The following ZSCAN5A variants were observed in gnomAD, a reference collection of about 807,000 sequenced individuals.
ZSCAN5A encodes the protein zinc finger and SCAN domain containing 5A, also known as zinc finger and SCAN domain-containing protein 5A.
ZSCAN5A carries 12 observed loss-of-function variants against 23.7 expected under a neutral mutation model. The observed-to-expected ratio is 0.51, with a 90% CI of 0.32 to 0.82. The LOEUF (loss-of-function observed/expected upper bound fraction) is 0.82, where lower values mean the gene tolerates loss of function less well. Ranked by LOEUF, ZSCAN5A falls within the 40% of genes least tolerant of loss-of-function variation. ZSCAN5A has a pLI of 0.03. For missense variants in ZSCAN5A, 597 were observed against 617.9 expected (o/e 0.97, Z 0.36); for synonymous variants, 257 against 239.9 (o/e 1.07, Z -0.66).
chr19:56,339,425 T>C (rs8103954), intron 2 of ZSCAN5A, among the ~76,000 whole-genome samples: 15 of 24 alleles, frequency 0.62, 3 homozygotes, highest in East Asian at 0.67. Context: ...TAGCAATATG[T>C]GAAGGAGCGG....
chr19:56,228,394 G>T, intron 2 of ZSCAN5A: 1 of 985,332 alleles, frequency 1.0e-6, no homozygotes, highest in Non-Finnish European at 1.2e-6. Flanking sequence ...ATTGGTTTAG[G>T]GCCATAGAGT....
At chr19:56,364,296 A>G (rs2041751663) in intron 1 of ZSCAN5A, among the ~76,000 whole-genome samples, 1 of 152,216 alleles carries the variant, frequency 6.6e-6, no homozygotes, top group South Asian at 2.1e-4. Context: ...TACCATATGA[A>G]CTTATGTTGT....
intron 2 of ZSCAN5A, among the ~76,000 whole-genome samples, chr19:56,230,641 G>A (rs2034386338): frequency 7.0e-6 from 1 of 143,760 alleles, no homozygotes; most frequent in Non-Finnish European, 1.6e-5. Flanking sequence ...GTGTGTGTGT[G>A]TGTGTGTGTG....
intron 2 of ZSCAN5A, chr19:56,348,052 C>T (rs1464592142): frequency 6.6e-6 from 1 of 152,192 alleles, no homozygotes; most frequent in Non-Finnish European, 1.5e-5. Flanking sequence ...TGGAATTGCC[C>T]CCAGAGGCGG....
intron 2 of ZSCAN5A, among the ~76,000 whole-genome samples, chr19:56,327,128 G>A (rs1462877625): frequency 2.6e-5 from 4 of 151,598 alleles, no homozygotes; most frequent in Admixed American, 2.6e-4. Context: ...CATTCGTCAT[G>A]CTATATATAC....
At chr19:56,225,294 C>T (rs531128093) in intron 2 of ZSCAN5A, 121 bp from the exon 3 acceptor site, 26 of 910,586 alleles carry the variant, frequency 2.9e-5, no homozygotes, top group Middle Eastern at 7.2e-4. Context: ...CAGTGGAAAT[C>T]TTCCAGTGTC....
chr19:56,331,899 A>C (rs1277104697), intron 2 of ZSCAN5A, among the ~76,000 whole-genome samples: 1 of 151,734 alleles, frequency 6.6e-6, no homozygotes, highest in African/African-American at 2.4e-5. Context: ...TATTTCAAAG[A>C]ATTTTTTTTA....
At chr19:56,343,200 G>C in intron 2 of ZSCAN5A, 4 of 764,360 alleles carry the variant, frequency 5.2e-6, no homozygotes, top group Non-Finnish European at 9.1e-6. Flanking sequence ...TTCTCCTCAG[G>C]AGAAGTTATA....
intron 2 of ZSCAN5A, among the ~76,000 whole-genome samples, chr19:56,301,259 G>A (rs2040209085): frequency 6.6e-6 from 1 of 152,172 alleles, no homozygotes; most frequent in Admixed American, 6.5e-5. Context: ...CTGAATATAT[G>A]ATAAACAAGG....
chr19:56,249,990 T>C (rs1277612889), intron 2 of ZSCAN5A, among the ~76,000 whole-genome samples: 1 of 152,224 alleles, frequency 6.6e-6, no homozygotes, highest in Non-Finnish European at 1.5e-5. Context: ...TAGGCTGGAT[T>C]CATTTATTAA....
At chr19:56,270,167 C>T (rs2037747055) in intron 2 of ZSCAN5A, among the ~76,000 whole-genome samples, 1 of 151,378 alleles carries the variant, frequency 6.6e-6, no homozygotes, top group African/African-American at 2.4e-5. Context: ...AAAAAAAGAT[C>T]CCAGCACTAT....
intron 2 of ZSCAN5A, among the ~76,000 whole-genome samples, chr19:56,326,625 C>T (rs936372296): frequency 1.3e-5 from 2 of 152,198 alleles, no homozygotes; most frequent in East Asian, 1.9e-4. Context: ...TAGTGTACCG[C>T]TGGGTGCCTT....
At chr19:56,253,343 G>A (rs975443331) in intron 2 of ZSCAN5A, among the ~76,000 whole-genome samples, 68 of 151,794 alleles carry the variant, frequency 4.5e-4, no homozygotes, top group Non-Finnish European at 8.8e-5. Context: ...GGGTGGAGGG[G>A]GAGAGAAAAA....
At chr19:56,243,228 A>AGGG (rs1568635141) in intron 2 of ZSCAN5A, among the ~76,000 whole-genome samples, 2 of 148,422 alleles carry the variant, frequency 1.3e-5, no homozygotes, top group African/African-American at 5.0e-5. Flanking sequence ...GGGTGGGCAG[A>AGGG]GGGTGATCAT....
At chr19:56,250,483 T>G (rs1423852715) in intron 2 of ZSCAN5A, among the ~76,000 whole-genome samples, 1 of 152,166 alleles carries the variant, frequency 6.6e-6, no homozygotes, top group Non-Finnish European at 1.5e-5. Flanking sequence ...CAGGGTCTGA[T>G]TCAGTGACAG....
intron 4 of ZSCAN5A, among the ~76,000 whole-genome samples, chr19:56,223,399 C>T (rs139485468): frequency 1.3e-5 from 2 of 152,232 alleles, no homozygotes; most frequent in East Asian, 1.9e-4. Context: ...TCACTGAGAT[C>T]ATTTCTTATG....
chr19:56,281,279 G>A (rs113578549), intron 2 of ZSCAN5A, among the ~76,000 whole-genome samples: 30,467 of 152,026 alleles, frequency 0.2, 3,160 homozygotes, highest in Middle Eastern at 0.37. Context: ...GGTGGCAGAG[G>A]CAGAAGAAAA....
chr19:56,276,498 A>T (rs2038266068), intron 2 of ZSCAN5A, among the ~76,000 whole-genome samples: 1 of 134,928 alleles, frequency 7.4e-6, no homozygotes, highest in Non-Finnish European at 1.6e-5. Flanking sequence ...TTAAGGATCT[A>T]AAGAGCTCTT....
intron 2 of ZSCAN5A, among the ~76,000 whole-genome samples, chr19:56,357,751 T>G (rs910703015): frequency 3.4e-5 from 5 of 147,412 alleles, no homozygotes; most frequent in African/African-American, 7.7e-5. Context: ...AGGATCAAAT[T>G]CACACATAAC....
Sources: gnomAD v4.1 joint callset for allele counts (sites outside exome capture counted in the v4.1 genomes callset) on GRCh38, gnomAD v4.1.1 for gene constraint, MANE v1.5 for transcripts, NCBI Gene and HGNC (gene_info 2026-07-23, HGNC 2026-07-21) for gene names.